The following CHRDL1 variants were observed in gnomAD, a reference collection of about 807,000 sequenced individuals.
CHRDL1 encodes chordin like 1.
In CHRDL1, 19 loss-of-function variants were observed where a neutral mutation model predicts 40.9. The observed-to-expected ratio is 0.46, with a 90% CI of 0.32 to 0.68. The LOEUF is 0.68. Among genes scored for constraint, CHRDL1 ranks in the 30% least tolerant of loss-of-function variants. The pLI, the probability that CHRDL1 is intolerant of heterozygous loss-of-function variation, is 0.03. For synonymous variants in CHRDL1, 136 were observed against 123.4 expected (o/e 1.10, Z -0.68); for missense variants, 329 against 352.1 (o/e 0.93, Z 0.53).
chrX:110,702,867 T>C (rs954373980), intron 6 of CHRDL1, among the ~76,000 whole-genome samples: 1 of 112,353 alleles, frequency 8.9e-6, no homozygotes, highest in Non-Finnish European at 1.9e-5. Flanking sequence ...CTATTGTGTT[T>C]ACTGATGTAA....
At chrX:110,757,777 C>T (rs375213563) in intron 4 of CHRDL1, among the ~76,000 whole-genome samples, 14 of 111,690 alleles carry the variant, frequency 1.3e-4, no homozygotes, top group Admixed American at 8.6e-4. Flanking sequence ...TTTCTTTCAA[C>T]GCTTTCACCT....
chrX:110,758,036 A>T (rs927337100), intron 4 of CHRDL1, among the ~76,000 whole-genome samples: 1 of 108,011 alleles, frequency 9.3e-6, no homozygotes, highest in Non-Finnish European at 1.9e-5. Context: ...ACTTTTGGAG[A>T]CTTCTGAGGA....
chrX:110,689,257 T>A, intron 8 of CHRDL1, among the ~76,000 whole-genome samples: 1 of 16 alleles, frequency 0.062, no homozygotes, highest in Non-Finnish European at 0.5. Flanking sequence ...TGCCGTGCTT[T>A]TTTTTTTTTT....
chrX:110,782,364 G>T (rs758818678), intron 2 of CHRDL1, among the ~76,000 whole-genome samples: 22 of 112,010 alleles, frequency 2.0e-4, no homozygotes, highest in Non-Finnish European at 3.8e-4. Context: ...TATGGAAATA[G>T]AATTCAAACC....
intron 4 of CHRDL1, among the ~76,000 whole-genome samples, chrX:110,730,178 C>A (rs774336401): frequency 1.2e-4 from 14 of 112,110 alleles, no homozygotes; most frequent in African/African-American, 4.5e-4. Context: ...TTCTCAACAC[C>A]TGTAATGTAA....
intron 2 of CHRDL1, 109 bp downstream of exon 2, chrX:110,791,979 G>T: frequency 4.2e-6 from 2 of 473,928 alleles, no homozygotes; most frequent in South Asian, 7.8e-5. Flanking sequence ...TCTTCTCTTA[G>T]AATAATGGCA....
chrX:110,758,094 C>T (rs1422889426), intron 4 of CHRDL1, among the ~76,000 whole-genome samples: 2 of 103,222 alleles, frequency 1.9e-5, no homozygotes, highest in Admixed American at 2.1e-4. Context: ...GGCAGGTTAA[C>T]CAAAAAACAA....
chrX:110,676,997 A>G (rs2069791756), intron 11 of CHRDL1, among the ~76,000 whole-genome samples: 1 of 110,873 alleles, frequency 9.0e-6, no homozygotes, highest in Admixed American at 9.7e-5. Context: ...CTTTCCACGC[A>G]GAGTAAACTT....
At chrX:110,704,530 A>C (rs1023790805) in intron 6 of CHRDL1, among the ~76,000 whole-genome samples, 14 of 111,336 alleles carry the variant, frequency 1.3e-4, no homozygotes, top group African/African-American at 3.9e-4. Flanking sequence ...GTGCAATAAC[A>C]CACAAGAAGG....
At chrX:110,767,947 T>C (rs1327412339) in intron 2 of CHRDL1, among the ~76,000 whole-genome samples, 1 of 111,483 alleles carries the variant, frequency 9.0e-6, no homozygotes, top group Non-Finnish European at 1.9e-5. Flanking sequence ...AAAGAACAAA[T>C]CTGGAAGCAT....
At chrX:110,702,143 A>G (rs1194994832) in intron 6 of CHRDL1, among the ~76,000 whole-genome samples, 2 of 110,954 alleles carry the variant, frequency 1.8e-5, no homozygotes, top group Non-Finnish European at 3.8e-5. Context: ...ACTCTCTACA[A>G]TCACCCCCTA....
chrX:110,710,844 G>T (rs1230837444), intron 6 of CHRDL1, among the ~76,000 whole-genome samples: 7 of 111,488 alleles, frequency 6.3e-5, no homozygotes, highest in Non-Finnish European at 1.3e-4. Context: ...TTTTGAAAAG[G>T]TATTATTAAT....
chrX:110,700,513 TA>T, intron 7 of CHRDL1, 140 bp downstream of exon 7: 1 of 478,380 alleles, frequency 2.1e-6, no homozygotes, highest in Admixed American at 3.3e-5. Context: ...GTGATGACAT[TA>T]AAAACTTTGA....
chrX:110,738,691 G>A (rs186609480), intron 4 of CHRDL1, among the ~76,000 whole-genome samples: 2 of 104,337 alleles, frequency 1.9e-5, no homozygotes, highest in Non-Finnish European at 3.9e-5. Flanking sequence ...GTAGTGAGCC[G>A]ACACTGCGCC....
chrX:110,793,874 A>G (rs2090141178), intron 1 of CHRDL1, among the ~76,000 whole-genome samples: 2 of 112,213 alleles, frequency 1.8e-5, no homozygotes, highest in African/African-American at 6.5e-5. Context: ...AACAGCTCAT[A>G]GATTTTTTTG....
chrX:110,727,364 T>C (rs1352727112), intron 4 of CHRDL1, among the ~76,000 whole-genome samples: 2 of 112,669 alleles, frequency 1.8e-5, no homozygotes, highest in African/African-American at 3.2e-5. Flanking sequence ...ACCTCTTACT[T>C]TGTTAGTGAA....
chrX:110,679,190 C>CA (rs1444378621), intron 11 of CHRDL1, 146 bp downstream of exon 11: 1 of 480,056 alleles, frequency 2.1e-6, no homozygotes, highest in Admixed American at 3.2e-5. Flanking sequence ...TGCTAAGTCA[C>CA]CCAGAAGAGA....
intron 8 of CHRDL1, among the ~76,000 whole-genome samples, chrX:110,689,821 ATAT>A (rs2070195390): frequency 1.3e-5 from 1 of 74,578 alleles, no homozygotes; most frequent in Non-Finnish European, 2.2e-5. Flanking sequence ...ATATATCTAT[ATAT>A]CTATATATCT....
At chrX:110,689,059 T>A (rs1375821992) in intron 8 of CHRDL1, among the ~76,000 whole-genome samples, 2 of 36,993 alleles carry the variant, frequency 5.4e-5, no homozygotes. Flanking sequence ...AGGCAGTCCA[T>A]AAATATATAT....
Sources: gnomAD v4.1 joint callset for allele counts (sites outside exome capture counted in the v4.1 genomes callset) on GRCh38, gnomAD v4.1.1 for gene constraint, MANE v1.5 for transcripts, NCBI Gene and HGNC (gene_info 2026-07-23, HGNC 2026-07-21) for gene names.